SMARCA4: variants seen among roughly 807,000 people sequenced by gnomAD.
The protein encoded by SMARCA4 is SWI/SNF-related matrix-associated actin-dependent regulator of chromatin subfamily A member 4.
SMARCA4 carries 31 observed loss-of-function variants against 193.9 expected under a neutral mutation model. That is an observed-to-expected ratio of 0.16 (90% CI 0.12 to 0.22). The LOEUF (loss-of-function observed/expected upper bound fraction) is 0.22, where lower values mean the gene tolerates loss of function less well. Ranked by LOEUF, SMARCA4 falls within the 10% of genes least tolerant of loss-of-function variation. The pLI is 1.00. For synonymous variants in SMARCA4, 942 were observed against 933.1 expected, an observed-to-expected ratio of 1.01 and a Z score of -0.17; for missense variants, 1,148 against 2,296.0, an observed-to-expected ratio of 0.50 and a Z score of 10.22.
chr19:10,975,232 G>T (rs564413355), intron 1 of SMARCA4, among the ~76,000 whole-genome samples: 3 of 150,862 alleles, frequency 2.0e-5, no homozygotes, highest in Non-Finnish European at 4.4e-5. Context: ...GGCCAGGCTG[G>T]TCCCGAACTC....
intron 30 of SMARCA4, among the ~76,000 whole-genome samples, chr19:11,055,736 G>T (rs570647823): frequency 6.6e-6 from 1 of 151,346 alleles, no homozygotes; most frequent in Admixed American, 6.6e-5. Flanking sequence ...TAAGGGCATT[G>T]AATGGATCAC....
chr19:10,995,083 C>T lies in SMARCA4; in HGVS notation c.1593+82C>T, dbSNP rs574194882. The T allele has an allele frequency of 2.3e-4, 299 of 1,323,610 alleles. No individual in the cohort carries two copies. The African/African-American group carries it at 3.5e-3, about 15-fold the overall frequency. The allele number at this position is 1,323,610 out of a possible 1,614,324, so 82.0% of individuals were successfully genotyped here. ...CTCCAGGGGTCACTCCCCAGGGTTA[C>T]GCCAAGGCATTTCACAGCTCGGAGT... On this transcript the variant is annotated intron_variant, in intron 9 of 34. Transcript: ENST00000344626.
chr19:11,044,434 A>G (rs773639131), intron 30 of SMARCA4, among the ~76,000 whole-genome samples: 1 of 152,178 alleles, frequency 6.6e-6, no homozygotes, highest in Non-Finnish European at 1.5e-5. Flanking sequence ...CTCCTCATAG[A>G]TGAGGAAAAG....
At position 11,019,348 on chromosome 19, in the gene SMARCA4, G is replaced by A. The variant is rs925276095; in HGVS notation, c.2506-243G>A. 11 of 605,916 alleles carry A rather than the reference G, an allele frequency of 1.8e-5. 1 individual carries two copies. Among genetic ancestry groups the A allele is most frequent in the Admixed American group, 1.7e-4 (6 of 35,798 alleles). 37.5% of individuals were successfully genotyped at this position (605,916 alleles called of 1,614,324 possible). On this transcript the variant is annotated intron_variant, in intron 17 of 34. Coordinates refer to ENST00000344626, the MANE Select transcript of SMARCA4 (RefSeq NM_003072.5). This position sits in a 1 kb window ranked among gnomAD's most constrained non-coding sequence, Gnocchi z 6.1. The stretch of plus-strand genomic sequence containing the variant: ...ATGTGCAGATGGCGGTGCAGGCTGC[G>A]TGGTTCCCTCAGGCCCCGGCCGCCG...
At position 10,996,484 on chromosome 19, in the gene SMARCA4, C is replaced by A. The variant is rs754221543; in HGVS notation, c.1762-10C>A. The A allele has an allele frequency of 1.2e-6, 2 of 1,614,090 alleles. No homozygotes were observed. Among genetic ancestry groups the A allele is most frequent in the Admixed American group, 3.3e-5 (2 of 60,014 alleles). ...GGTCAGGGCCTGACCGTGTCTCTCT[C>A]TATTTCCAGAAGGCAGAAAATGCAG... On this transcript the variant is annotated splice_polypyrimidine_tract_variant and intron_variant, in intron 10 of 34. Coordinates refer to ENST00000344626, the MANE Select transcript of SMARCA4 (RefSeq NM_003072.5).
At chr19:11,024,721 T>C (rs1165165829) in intron 21 of SMARCA4, among the ~76,000 whole-genome samples, 1 of 152,052 alleles carries the variant, frequency 6.6e-6, no homozygotes, top group African/African-American at 2.4e-5. Flanking sequence ...AATGCCCCCC[T>C]TCTCTGTTAT....
At position 10,985,523 on chromosome 19, in the gene SMARCA4, G is replaced by C. The variant is rs2085949804; in HGVS notation, c.355+118G>C. ...GGGAGTACCTAGGATGATGTAGCCG[G>C]GTGGGTGGCCCGCCACAGAGAGCTG... On this transcript the variant is annotated intron_variant, in intron 3 of 34. Coordinates refer to ENST00000344626, the MANE Select transcript of SMARCA4 (RefSeq NM_003072.5). The surrounding 1 kb of genome is among the most constrained non-coding windows in gnomAD (Gnocchi z 4.5). 1 of 1,289,476 alleles carries C rather than the reference G, an allele frequency of 7.8e-7. No homozygotes were observed. Among genetic ancestry groups the C allele is most frequent in the East Asian group, 2.5e-5 (1 of 39,728 alleles). 79.9% of individuals were successfully genotyped at this position (1,289,476 alleles called of 1,614,324 possible).
intron 12 of SMARCA4, 46 bp from the exon 13 acceptor site, chr19:11,003,294 G>C (rs1230550884): frequency 6.2e-7 from 1 of 1,606,664 alleles, no homozygotes; most frequent in Non-Finnish European, 8.5e-7. Flanking sequence ...AGTGAATTCT[G>C]CTGGCTCTGA....
intron 16 of SMARCA4, among the ~76,000 whole-genome samples, chr19:11,014,025 C>T (rs1299024048): frequency 2.0e-5 from 3 of 152,158 alleles, no homozygotes; most frequent in Non-Finnish European, 4.4e-5. Context: ...CTTACTGGTC[C>T]AGTTCAAGTC....
rs147861246 is a variant in SMARCA4, at chr19:10,991,526, G to A, written c.1419+203G>A. On this transcript the variant is annotated intron_variant, in intron 8 of 34. Transcript: ENST00000344626. The stretch of plus-strand genomic sequence containing the variant: ...GGGAGAAGATAGTGATGAAATCCAC[G>A]CGTAGCACGTCTGGAAGGTGATAGG... 2.8e-3 allele frequency among the ~76,000 whole-genome samples: 424 copies of A among 152,346 alleles called. 5 individuals are homozygous for A. The highest frequency in any genetic ancestry group is 9.6e-3 in the African/African-American group (401 of 41,592).
intron 30 of SMARCA4, among the ~76,000 whole-genome samples, chr19:11,057,321 G>A (rs930742616): frequency 1.3e-5 from 2 of 152,184 alleles, no homozygotes; most frequent in Non-Finnish European, 2.9e-5. Context: ...AGCTGGGAGC[G>A]CTGTGCACGA....
intron 20 of SMARCA4, among the ~76,000 whole-genome samples, chr19:11,024,050 C>T (rs2090069663): frequency 6.6e-6 from 1 of 152,208 alleles, no homozygotes; most frequent in Non-Finnish European, 1.5e-5. Flanking sequence ...AGTTGTCCCT[C>T]TTGGCTCTTT....
chr19:11,057,619 C>T lies in SMARCA4; in HGVS notation c.4425-636C>T, dbSNP rs551802270. On this transcript the variant is annotated intron_variant, in intron 30 of 34. Transcript: ENST00000344626. ...TGGCTGGCATCTGTAATCCCAGCTA[C>T]TCGGGAGGCTGAGGCAGGAGAATTG... Among the ~76,000 whole-genome samples the T allele has an allele frequency of 7.9e-5, 12 of 152,018 alleles. No homozygotes were observed. In the East Asian group the frequency reaches 2.3e-3, roughly 29 times the overall value.
At position 10,985,488 on chromosome 19, in the gene SMARCA4, G is replaced by C. The variant is rs2145756797; in HGVS notation, c.355+83G>C. Reference sequence around the variant, plus strand: ...ATTTTCCTCCCCTGGGTTCCCACAGGATGGATTCAGGGAGTACCTAGGATG... The same window carrying C: ...ATTTTCCTCCCCTGGGTTCCCACAGCATGGATTCAGGGAGTACCTAGGATG... On this transcript the variant is annotated intron_variant, in intron 3 of 34. Transcript: ENST00000344626. This position sits in a 1 kb window ranked among gnomAD's most constrained non-coding sequence, Gnocchi z 4.5. 6.6e-7 allele frequency: 1 copy of C among 1,517,408 alleles called. No homozygotes were observed. Among genetic ancestry groups the C allele is most frequent in the Non-Finnish European group, 9.0e-7 (1 of 1,115,094 alleles). The allele number at this position is 1,517,408 out of a possible 1,614,324, so 94.0% of individuals were successfully genotyped here. A position where few individuals can be genotyped will look rare whatever the true frequency, so the allele number is the denominator to read the frequency against.
At chr19:10,973,323 G>GT (rs2084829295) in intron 1 of SMARCA4, among the ~76,000 whole-genome samples, 1 of 152,152 alleles carries the variant, frequency 6.6e-6, no homozygotes, top group African/African-American at 2.4e-5. Flanking sequence ...ACACGTCCCT[G>GT]TGGGGTTAGA....
chr19:11,057,527 G>A (rs1227095881), intron 30 of SMARCA4, among the ~76,000 whole-genome samples: 3 of 152,038 alleles, frequency 2.0e-5, no homozygotes, highest in East Asian at 1.9e-4. Flanking sequence ...TCAAGAGATC[G>A]AGACCATCCT....
chr19:11,034,836 A>G lies in SMARCA4; in HGVS notation c.3952-78A>G. 1.1e-6 allele frequency: 1 copy of G among 932,604 alleles called. No individual in the cohort carries two copies. The highest frequency in any genetic ancestry group is 1.7e-6 in the Non-Finnish European group (1 of 595,448). 57.8% of individuals were successfully genotyped at this position (932,604 alleles called of 1,614,324 possible). On this transcript the variant is annotated intron_variant, in intron 28 of 34. Coordinates refer to ENST00000344626, the MANE Select transcript of SMARCA4 (RefSeq NM_003072.5). The surrounding 1 kb of genome is among the most constrained non-coding windows in gnomAD (Gnocchi z 7.0). ...CCACGGGCAGAGAAAGGCCCTTCTG[A>G]ACTCTCGGTGTTCTGGCTCTAGCGT...
At position 11,041,038 on chromosome 19, in the gene SMARCA4, C is replaced by CT. The variant is rs950868296; in HGVS notation, c.4171-260dup. 598 of 491,198 alleles carry CT rather than the reference C, an allele frequency of 1.2e-3. No homozygotes were observed. The highest frequency in any genetic ancestry group is 3.4e-3 in the African/African-American group (175 of 51,744). 30.4% of individuals were successfully genotyped at this position (491,198 alleles called of 1,614,324 possible). ...TCTTTTCTGTACAGAGAAGATAGTT[C>CT]TTTTTTTTTGGTCAAGAAATTCAAC... On this transcript the variant is annotated intron_variant, in intron 29 of 34. Transcript: ENST00000344626. This position sits in a 1 kb window ranked among gnomAD's most constrained non-coding sequence, Gnocchi z 5.6.
chr19:10,995,244 G>C lies in SMARCA4; in HGVS notation c.1593+243G>C, dbSNP rs750014356. 4.6e-6 allele frequency: 3 copies of C among 646,156 alleles called. No homozygotes were observed. The East Asian group carries it at 9.2e-5, about 20-fold the overall frequency. 40.0% of individuals were successfully genotyped at this position (646,156 alleles called of 1,614,324 possible). On this transcript the variant is annotated intron_variant, in intron 9 of 34. Transcript: ENST00000344626. ...TTAGCCGGCTCCTCTGCCTTCTCTG[G>C]AAAATGGAGGTGGTGCCCCCTTCCC...
Sources: allele counts gnomAD v4.1 joint callset (sites outside exome capture counted in the v4.1 genomes callset), GRCh38; gene constraint gnomAD v4.1.1; non-coding constraint Gnocchi (gnomAD v3.1); transcripts MANE v1.5; gene names NCBI Gene and HGNC (gene_info 2026-07-23, HGNC 2026-07-21).